The following TNS3 variants were observed in gnomAD, a reference collection of about 807,000 sequenced individuals.
TNS3 encodes the protein tensin 3.
TNS3 carries 45 observed loss-of-function variants against 140.9 expected under a neutral mutation model. That is an observed-to-expected ratio of 0.32 (90% CI 0.25 to 0.41). TNS3 has a LOEUF of 0.41. Ranked by LOEUF, TNS3 falls within the 10% of genes least tolerant of loss-of-function variation. The pLI is 1.00. For missense variants in TNS3, 1,716 were observed against 1,906.7 expected (o/e 0.90, Z 1.86); for synonymous variants, 815 against 788.4 (o/e 1.03, Z -0.56).
chr7:47,409,879 G>C (rs559980871), intron 13 of TNS3, among the ~76,000 whole-genome samples: 1 of 152,056 alleles, frequency 6.6e-6, no homozygotes, highest in Admixed American at 6.6e-5. Context: ...GGATGGTCTC[G>C]ATCTCCTGAC....
At chr7:47,462,209 G>A (rs1796518301) in intron 4 of TNS3, among the ~76,000 whole-genome samples, 1 of 152,196 alleles carries the variant, frequency 6.6e-6, no homozygotes, top group African/African-American at 2.4e-5. Context: ...CATAGTAAGT[G>A]ACATGCAAGC....
chr7:47,382,709 T>A (rs1293989104), intron 16 of TNS3, among the ~76,000 whole-genome samples: 1 of 146,164 alleles, frequency 6.8e-6, no homozygotes, highest in East Asian at 2.1e-4. Flanking sequence ...AATCTGTACA[T>A]ACTCAAATCC....
intron 1 of TNS3, among the ~76,000 whole-genome samples, chr7:47,566,360 T>G (rs1369686749): frequency 6.6e-6 from 1 of 152,204 alleles, no homozygotes; most frequent in Non-Finnish European, 1.5e-5. Context: ...CCAAAGGTAC[T>G]CAGGGTGCTC....
intron 8 of TNS3, among the ~76,000 whole-genome samples, chr7:47,429,601 T>C (rs1009601838): frequency 4.7e-4 from 72 of 152,282 alleles, no homozygotes; most frequent in African/African-American, 1.6e-3. Flanking sequence ...TCTCCTGACC[T>C]TGTGATCCAC....
At chr7:47,345,362 G>T (rs1310654668) in intron 18 of TNS3, among the ~76,000 whole-genome samples, 1 of 152,102 alleles carries the variant, frequency 6.6e-6, no homozygotes, top group African/African-American at 2.4e-5. Flanking sequence ...AATATTAAGC[G>T]AAAAAGCTGG....
chr7:47,304,982 G>A lies in TNS3; in HGVS notation c.2672C>T (p.Thr891Met), dbSNP rs776500988. The change falls in exon 21 of 31, where the codon ACG becomes ATG. Residue 891 changes from threonine to methionine, a missense_variant. By Grantham distance (81) the Thr-to-Met change is moderately conservative. Coordinates refer to ENST00000311160, the MANE Select transcript of TNS3 (RefSeq NM_022748.12). ...GGREPRSCPE[T>M]LTHAVGMSES... ...TGACATCCCCACAGCGTGAGTGAGC[G>A]TCTCAGGGCAGCTTCGTGGTTCTGT... 1.5e-5 allele frequency: 21 copies of A among 1,373,394 alleles called. No homozygotes were observed. The highest frequency in any genetic ancestry group is 1.2e-4 in the South Asian group (6 of 49,036). 85.1% of individuals were successfully genotyped at this position (1,373,394 alleles called of 1,614,324 possible). A position where few individuals can be genotyped will look rare whatever the true frequency, so the allele number is the denominator to read the frequency against.
chr7:47,543,992 G>C (rs1799858966), intron 1 of TNS3, among the ~76,000 whole-genome samples: 2 of 152,170 alleles, frequency 1.3e-5, no homozygotes, highest in African/African-American at 2.4e-5. Flanking sequence ...CTGACTTTGA[G>C]AAGTAAATAA....
Position 47,369,568 on chromosome 7 carries a change from T to G in TNS3, c.1078A>C (p.Lys360Gln). The G allele has an allele frequency of 1.9e-6, 3 of 1,610,624 alleles. No homozygotes were observed. Residue 360 changes from lysine (K) to glutamine (Q), a missense_variant, in exon 17 of 31, where the codon AAA becomes CAA. Around this residue, in one of 3 missense-constraint regions of TNS3, gnomAD observed 1,163 missense variants for 1,182.1 expected, o/e 0.98. Coordinates refer to ENST00000311160, the MANE Select transcript of TNS3 (RefSeq NM_022748.12). ...DGSLYAKVRK[K>Q]SSSDPGIPGG... ...GGGATGCCAGGATCCGAGGAGCTTT[T>G]CTTCCTCACCTTCGCGTAAAGGCTG... is the stretch of plus-strand genomic sequence containing the variant.
At chr7:47,562,196 G>A (rs1463311343) in intron 1 of TNS3, among the ~76,000 whole-genome samples, 2 of 152,116 alleles carry the variant, frequency 1.3e-5, no homozygotes, top group East Asian at 1.9e-4. Flanking sequence ...CTGACCCAGT[G>A]TATGTCTCTG....
chr7:47,511,551 A>T (rs1798605817), intron 2 of TNS3, among the ~76,000 whole-genome samples: 1 of 123,922 alleles, frequency 8.1e-6, no homozygotes, highest in South Asian at 2.5e-4. Flanking sequence ...AACCACACTG[A>T]CAAGAGCCCT....
intron 1 of TNS3, among the ~76,000 whole-genome samples, chr7:47,573,931 C>T (rs935092950): frequency 1.6e-4 from 24 of 152,172 alleles, no homozygotes; most frequent in African/African-American, 5.1e-4. Context: ...TAAAAATTAA[C>T]CACCATCAGT....
rs941110461 is a variant in TNS3 at position 47,529,025 on chromosome 7, C to T, written c.-153+11G>A. On this transcript the variant is annotated intron_variant, in intron 2 of 30. Coordinates refer to ENST00000311160, the MANE Select transcript of TNS3 (RefSeq NM_022748.12). ...GATTAATCAGTGAGAGAATCATAAA[C>T]ACAGACTTACCTCGGCATGAAATAC... is the stretch of plus-strand genomic sequence containing the variant. 1.6e-6 allele frequency: 2 copies of T among 1,268,634 alleles called. No individual in the cohort carries two copies. Among genetic ancestry groups the T allele is most frequent in the Admixed American group, 5.0e-5 (2 of 40,346 alleles). The allele number at this position is 1,268,634 out of a possible 1,614,324, so 78.6% of individuals were successfully genotyped here.
chr7:47,395,037 C>T lies in TNS3; in HGVS notation c.1024+1763G>A, dbSNP rs192549018. Among the ~76,000 whole-genome samples, 1,061 of 152,362 alleles carry T rather than the reference C, an allele frequency of 7.0e-3. 27 individuals are homozygous for T. The highest frequency in any genetic ancestry group is 0.038 in the Admixed American group (580 of 15,310). ...CTGCTCCCCTCTTACGGCATTGGCA[C>T]AGAGAACACCCACCTGTGTTTTAGA... is the stretch of plus-strand genomic sequence containing the variant. On this transcript the variant is annotated intron_variant, in intron 16 of 30. Coordinates refer to ENST00000311160, the MANE Select transcript of TNS3 (RefSeq NM_022748.12).
At chr7:47,429,389 G>A (rs1043037958) in intron 8 of TNS3, among the ~76,000 whole-genome samples, 12 of 151,062 alleles carry the variant, frequency 7.9e-5, no homozygotes, top group Non-Finnish European at 1.5e-4. Flanking sequence ...TTTTGGAGAC[G>A]GAGTCTCACG....
chr7:47,393,860 A>G (rs1792673379), intron 16 of TNS3, among the ~76,000 whole-genome samples: 1 of 151,862 alleles, frequency 6.6e-6, no homozygotes, highest in Admixed American at 6.6e-5. Context: ...TGTCCTTCTC[A>G]GTTTCTTTCC....
chr7:47,322,539 AAC>A (rs71003393), intron 20 of TNS3, among the ~76,000 whole-genome samples: 46 of 151,036 alleles, frequency 3.0e-4, no homozygotes, highest in Non-Finnish European at 5.6e-4. Context: ...CAAACAAACA[AAC>A]ACACACACAC....
At chr7:47,422,022 G>C (rs1197169656) in intron 10 of TNS3, among the ~76,000 whole-genome samples, 1 of 152,170 alleles carries the variant, frequency 6.6e-6, no homozygotes, top group Non-Finnish European at 1.5e-5. Flanking sequence ...TCCCATCACA[G>C]AGCCTATTCC....
intron 1 of TNS3, among the ~76,000 whole-genome samples, chr7:47,566,221 A>G (rs1800426299): frequency 6.6e-6 from 1 of 152,124 alleles, no homozygotes; most frequent in Non-Finnish European, 1.5e-5. Flanking sequence ...CTCGTCCAAA[A>G]ACATGGACTC....
In TNS3 at chr7:47,458,995, G is replaced by A. The variant is rs77811074; in HGVS notation, c.-75-16940C>T. 1.4e-4 allele frequency among the ~76,000 whole-genome samples: 21 copies of A among 152,218 alleles called. No individual in the cohort carries two copies. The East Asian group carries it at 3.9e-3, about 28-fold the overall frequency. On this transcript the variant is annotated intron_variant, in intron 4 of 30. Transcript: ENST00000311160. ...GATGGACCCCTAAATAAGTACGGGC[G>A]ACTTTCTTCCGCCCATACTTATTTA... is the stretch of plus-strand genomic sequence containing the variant.
Sources: gnomAD v4.1 joint callset for allele counts (sites outside exome capture counted in the v4.1 genomes callset) on GRCh38, gnomAD v4.1.1 for gene constraint, gnomAD v4.1.1 regional missense constraint, MANE v1.5 for transcripts, NCBI Gene and HGNC (gene_info 2026-07-23, HGNC 2026-07-21) for gene names.